Variants in SLC22A14 observed in about 807,000 individuals in gnomAD.
The protein encoded by SLC22A14 is solute carrier family 22 member 14.
SLC22A14 carries 50 observed loss-of-function variants against 53.9 expected under a neutral mutation model. The ratio of observed to expected loss-of-function variants is 0.93; its 90% CI spans 0.74 to 1.17. The LOEUF is 1.17. Ranked by LOEUF, SLC22A14 falls within the 50% of genes most tolerant of loss-of-function variation. The pLI is 0.00. For missense variants in SLC22A14, 671 were observed against 734.7 expected (o/e 0.91, Z 1.00); for synonymous variants, 312 against 303.0 (o/e 1.03, Z -0.31).
chr3:38,280,044 A>G (rs1241035803), upstream of SLC22A14, among the ~76,000 whole-genome samples: 2 of 152,238 alleles, frequency 1.3e-5, no homozygotes, highest in Admixed American at 6.5e-5. Flanking sequence ...GAGTCTGTGC[A>G]GTACCTGCTT....
At chr3:38,295,051 A>T (rs1183215913) in intron 1 of SLC22A14, among the ~76,000 whole-genome samples, 1 of 152,184 alleles carries the variant, frequency 6.6e-6, no homozygotes, top group African/African-American at 2.4e-5. Flanking sequence ...CAGTTCTCCT[A>T]ACTCTGCTTC....
intron 1 of SLC22A14, among the ~76,000 whole-genome samples, chr3:38,284,855 A>T (rs1201440289): frequency 6.6e-6 from 1 of 152,134 alleles, no homozygotes; most frequent in Non-Finnish European, 1.5e-5. Context: ...TGCTGGTGGG[A>T]CTGTAAGGAA....
intron 8 of SLC22A14, among the ~76,000 whole-genome samples, chr3:38,314,369 C>T (rs368769573): frequency 6.6e-6 from 1 of 152,224 alleles, no homozygotes; most frequent in East Asian, 1.9e-4. Flanking sequence ...CCAGGAATAA[C>T]CTGACCACTG....
At chr3:38,288,902 G>A (rs1299643439) in intron 1 of SLC22A14, among the ~76,000 whole-genome samples, 1 of 152,008 alleles carries the variant, frequency 6.6e-6, no homozygotes, top group Middle Eastern at 3.2e-3. Context: ...TTGTGAGACT[G>A]GGCACAGTGG....
upstream of SLC22A14, among the ~76,000 whole-genome samples, chr3:38,281,448 C>T: frequency 6.6e-6 from 1 of 152,124 alleles, no homozygotes; most frequent in East Asian, 1.9e-4. Flanking sequence ...TTAGGGAATA[C>T]ATCTGGTAAG....
intron 7 of SLC22A14, 51 bp downstream of exon 7, chr3:38,313,536 G>A (rs1704532577): frequency 3.8e-6 from 5 of 1,332,998 alleles, no homozygotes; most frequent in Non-Finnish European, 5.4e-6. Flanking sequence ...GCGCAGGCTG[G>A]AAACTCTAGG....
In SLC22A14 at chr3:38,301,301, C is replaced by T. The variant is rs57799550; in HGVS notation, c.1-4726C>T. ...AAATTGTCCTTCAGAAAGGTTGTGC[C>T]AGTTTGCATGCCCATCAGCAATGTA... On this transcript the variant is annotated intron_variant, in intron 1 of 10. Transcript: ENST00000448498. 1.3e-3 allele frequency among the ~76,000 whole-genome samples: 200 copies of T among 152,288 alleles called. 5 individuals are homozygous for T. In the East Asian group the frequency reaches 0.035, roughly 26 times the overall value.
chr3:38,291,944 G>T (rs1279232654), intron 1 of SLC22A14, among the ~76,000 whole-genome samples: 2 of 152,222 alleles, frequency 1.3e-5, no homozygotes, highest in African/African-American at 4.8e-5. Context: ...TTAGGGTTTT[G>T]GGATGAGGAA....
At chr3:38,283,551 C>T (rs768664517) in intron 1 of SLC22A14, among the ~76,000 whole-genome samples, 12 of 152,132 alleles carry the variant, frequency 7.9e-5, no homozygotes, top group African/African-American at 1.4e-4. Context: ...TAGCAGGAGC[C>T]GGGTGCAGTG....
intron 1 of SLC22A14, among the ~76,000 whole-genome samples, chr3:38,287,769 C>T (rs1703823767): frequency 6.6e-6 from 1 of 152,154 alleles, no homozygotes; most frequent in Non-Finnish European, 1.5e-5. Flanking sequence ...TGGATTTTGA[C>T]TAGAGTTGTG....
At chr3:38,301,721 G>A (rs1704163748) in intron 1 of SLC22A14, among the ~76,000 whole-genome samples, 1 of 151,212 alleles carries the variant, frequency 6.6e-6, no homozygotes, top group Admixed American at 6.6e-5. Context: ...TTTTAAAAGG[G>A]ATACTTTTAA....
chr3:38,300,401 C>A (rs950204905), intron 1 of SLC22A14, among the ~76,000 whole-genome samples: 1 of 152,150 alleles, frequency 6.6e-6, no homozygotes, highest in Admixed American at 6.5e-5. Flanking sequence ...GATCACACCA[C>A]TGCACTCCAG....
At chr3:38,308,251 G>GAGGAGA (rs1559551891) in intron 4 of SLC22A14, 3 of 157,646 alleles carry the variant, frequency 1.9e-5, no homozygotes, top group South Asian at 1.8e-4. Flanking sequence ...GGAGGAGGAG[G>GAGGAGA]AGAAGAAGAA....
Position 38,307,459 on chromosome 3 carries a change from G to A in SLC22A14, c.620+102G>A. 1.9e-6 allele frequency: 3 copies of A among 1,547,446 alleles called. No homozygotes were observed. The highest frequency in any genetic ancestry group is 2.7e-6 in the Non-Finnish European group (3 of 1,122,220). ...CAGGCTGAGGGAGGTGAGGGTAGGG[G>A]TTCTCCAGGGACCCATGGATGGCTC... On this transcript the variant is annotated intron_variant, in intron 3 of 10. Transcript: ENST00000448498. The surrounding 1 kb of genome is among the most constrained non-coding windows in gnomAD (Gnocchi z 4.4).
chr3:38,280,908 G>A (rs1369083020), upstream of SLC22A14, among the ~76,000 whole-genome samples: 3 of 152,244 alleles, frequency 2.0e-5, no homozygotes, highest in East Asian at 3.8e-4. Flanking sequence ...GGGATTACAG[G>A]CGTGAGCCAC....
intron 1 of SLC22A14, among the ~76,000 whole-genome samples, chr3:38,288,764 G>A (rs1434056293): frequency 6.6e-6 from 1 of 151,938 alleles, no homozygotes; most frequent in East Asian, 1.9e-4. Context: ...TCATCCTAAT[G>A]GGTGTCTTGT....
intron 1 of SLC22A14, among the ~76,000 whole-genome samples, chr3:38,300,838 C>G (rs1575411980): frequency 6.6e-6 from 1 of 152,122 alleles, no homozygotes; most frequent in East Asian, 1.9e-4. Context: ...TCCAAGCATG[C>G]CAAACACTCT....
chr3:38,318,227 A>T lies in SLC22A14; in HGVS notation c.1763A>T (p.Glu588Val), dbSNP rs199536197. ...AAGGTCAAGGACATGAAGACTAAGG[A>T]AACATCATCTGATGATGTCTGAGGA... ...RNKVKDMKTK[E>V]TSSDDV Residue 588 changes from glutamate to valine, a missense_variant, in exon 11 of 11, where the codon GAA (glutamate) becomes GTA (valine). By Grantham distance (121) the Glu-to-Val change is moderately radical. Transcript: ENST00000448498. 3.1e-6 allele frequency: 5 copies of T among 1,614,014 alleles called. No homozygotes were observed. Among genetic ancestry groups the T allele is most frequent in the Non-Finnish European group, 3.4e-6 (4 of 1,179,974 alleles).
intron 1 of SLC22A14, chr3:38,304,022 A>G (rs1704233766): frequency 6.7e-6 from 1 of 149,428 alleles, no homozygotes; most frequent in African/African-American, 2.5e-5. Context: ...CCCCATCTCT[A>G]CTAAAAAAAA....
Sources: gnomAD v4.1 joint callset for allele counts (sites outside exome capture counted in the v4.1 genomes callset) on GRCh38, gnomAD v4.1.1 for gene constraint, Gnocchi (gnomAD v3.1) non-coding constraint, MANE v1.5 for transcripts, NCBI Gene and HGNC (gene_info 2026-07-23, HGNC 2026-07-21) for gene names.